The following GSAP variants were observed in gnomAD, a reference collection of about 807,000 sequenced individuals.
GSAP encodes the protein gamma-secretase activating protein.
A neutral mutation model predicts 131.7 loss-of-function variants in GSAP; 118 were observed. That is an observed-to-expected ratio of 0.90 (90% CI 0.77 to 1.04). The LOEUF is 1.04. Ranked by LOEUF, GSAP falls within the 50% of genes least tolerant of loss-of-function variation. The pLI is 0.00. For missense variants in GSAP, 1,019 were observed against 1,013.2 expected, an observed-to-expected ratio of 1.01 and a Z score of -0.08; for synonymous variants, 381 against 363.4, an observed-to-expected ratio of 1.05 and a Z score of -0.55.
At chr7:77,407,615 T>A (rs1802518062) in intron 1 of GSAP, among the ~76,000 whole-genome samples, 1 of 152,218 alleles carries the variant, frequency 6.6e-6, no homozygotes, top group Non-Finnish European at 1.5e-5. Context: ...GTAACAGGCA[T>A]CCTTGACTTA....
chr7:77,343,403 G>A (rs1791308995), intron 19 of GSAP, among the ~76,000 whole-genome samples: 1 of 152,224 alleles, frequency 6.6e-6, no homozygotes, highest in East Asian at 1.9e-4. Context: ...CTCTAAATAT[G>A]CCTTCCATAT....
chr7:77,416,156 G>C, intron 1 of GSAP, 57 bp downstream of exon 1: 1 of 1,026,408 alleles, frequency 9.7e-7, no homozygotes, highest in Non-Finnish European at 1.3e-6. Flanking sequence ...GAGTCCGGGG[G>C]GTATGAGGGA....
At position 77,324,825 on chromosome 7, in the gene GSAP, AC is replaced by A. The variant is rs1391406145; in HGVS notation, c.1828-1084del. On this transcript the variant is annotated intron_variant, in intron 23 of 30. Transcript: ENST00000257626. ...TTGTCGTGTAAACATTGTTTGCCAT[AC>A]TTTTTTTTTTTTTTTTTTTTTGCTC... Among the ~76,000 whole-genome samples the A allele has an allele frequency of 8.7e-5, 10 of 114,318 alleles. No individual in the cohort carries two copies. In the East Asian group the frequency reaches 2.4e-3, roughly 27 times the overall value. The allele number at this position is 114,318 out of a possible 152,430, so 75.0% of individuals were successfully genotyped here. A position where few individuals can be genotyped will look rare whatever the true frequency, so the allele number is the denominator to read the frequency against.
At chr7:77,369,803 T>G (rs189872165) in intron 12 of GSAP, among the ~76,000 whole-genome samples, 6 of 152,184 alleles carry the variant, frequency 3.9e-5, no homozygotes, top group Admixed American at 3.9e-4. Flanking sequence ...TTTTGAAGAG[T>G]AATATAGGAA....
chr7:77,360,403 C>T (rs551142375), intron 14 of GSAP, among the ~76,000 whole-genome samples: 298 of 152,270 alleles, frequency 2.0e-3, no homozygotes, highest in Middle Eastern at 3.4e-3. Context: ...GGAAACTTTT[C>T]AAGATTAGCA....
Position 77,416,230 on chromosome 7 carries a change from G to T in GSAP, c.92C>A (p.Ala31Asp). 1 of 1,470,136 alleles carries T rather than the reference G, an allele frequency of 6.8e-7. No homozygotes were observed. The highest frequency in any genetic ancestry group is 1.3e-5 in the South Asian group (1 of 76,692). 91.1% of individuals were successfully genotyped at this position (1,470,136 alleles called of 1,614,324 possible). Residue 31 changes from alanine to aspartate, a missense_variant, in exon 1 of 31, where the codon GCC (alanine) becomes GAC (aspartate). Physicochemically the swap from Ala to Asp is moderately radical, Grantham distance 126. Coordinates refer to ENST00000257626, the MANE Select transcript of GSAP (RefSeq NM_017439.4). Reference sequence around the variant, plus strand: ...TCCCGCACCTGCGCCGCCGCTTCCGGCCCCGCTGGCCTCCGACACTGCCCG... The same window carrying T: ...TCCCGCACCTGCGCCGCCGCTTCCGTCCCCGCTGGCCTCCGACACTGCCCG... ...AQRAVSEASG[A>D]GSGGADVLEN...
intron 19 of GSAP, among the ~76,000 whole-genome samples, chr7:77,340,949 G>T (rs1356270193): frequency 1.3e-5 from 2 of 151,828 alleles, no homozygotes; most frequent in African/African-American, 2.4e-5. Flanking sequence ...TCCCCCTTCT[G>T]CTCCCTTAGC....
intron 5 of GSAP, among the ~76,000 whole-genome samples, chr7:77,396,133 G>C (rs1380956151): frequency 6.6e-6 from 1 of 151,960 alleles, no homozygotes; most frequent in Admixed American, 6.6e-5. Flanking sequence ...CTGAGTAGTG[G>C]CTCCCCTTCT....
intron 19 of GSAP, among the ~76,000 whole-genome samples, chr7:77,345,243 A>G (rs1454454922): frequency 1.3e-5 from 2 of 152,132 alleles, no homozygotes; most frequent in Non-Finnish European, 2.9e-5. Flanking sequence ...TCCTTCTAAC[A>G]ACCCCACAAT....
intron 14 of GSAP, among the ~76,000 whole-genome samples, chr7:77,357,395 A>C (rs550224078): frequency 2.0e-5 from 3 of 152,152 alleles, no homozygotes; most frequent in Non-Finnish European, 4.4e-5. Flanking sequence ...ACTATCCTGG[A>C]ATATCCAGGT....
chr7:77,378,093 C>T (rs1041071387), intron 8 of GSAP, among the ~76,000 whole-genome samples: 1 of 152,166 alleles, frequency 6.6e-6, no homozygotes, highest in African/African-American at 2.4e-5. Flanking sequence ...TATAAGCCTC[C>T]CCCAGTGAGT....
intron 23 of GSAP, 143 bp from the exon 24 acceptor site, chr7:77,323,885 C>T: frequency 3.9e-6 from 2 of 518,092 alleles, no homozygotes; most frequent in South Asian, 2.7e-5. Context: ...ATGCATAACT[C>T]TCAGTATTTC....
At position 77,347,295 on chromosome 7, in the gene GSAP, G is replaced by A. The variant is rs188954575; in HGVS notation, c.1545+2056C>T. 7.9e-5 allele frequency among the ~76,000 whole-genome samples: 12 copies of A among 152,298 alleles called. No individual in the cohort carries two copies. In the East Asian group the frequency reaches 2.3e-3, roughly 29 times the overall value. Reference sequence around the variant, plus strand: ...CCGTGGGAACCCCAACTTAAAGACAGTTGGTCAGAAGTTCCAGAGGTCTGG... The same window carrying A: ...CCGTGGGAACCCCAACTTAAAGACAATTGGTCAGAAGTTCCAGAGGTCTGG... On this transcript the variant is annotated intron_variant, in intron 19 of 30. Coordinates refer to ENST00000257626, the MANE Select transcript of GSAP (RefSeq NM_017439.4).
intron 5 of GSAP, among the ~76,000 whole-genome samples, chr7:77,396,652 T>A (rs978713044): frequency 6.6e-5 from 10 of 152,154 alleles, no homozygotes; most frequent in African/African-American, 2.2e-4. Context: ...TAACCAGATA[T>A]AAGAAAAGAT....
rs57442782 is a variant in GSAP at position 77,334,580 on chromosome 7, T to TAAAAAA, written c.1546-4219_1546-4214dup. Among the ~76,000 whole-genome samples the TAAAAAA allele has an allele frequency of 6.1e-4, 50 of 81,944 alleles. 1 individual carries two copies. Among genetic ancestry groups the TAAAAAA allele is most frequent in the African/African-American group, 2.4e-3 (49 of 20,198 alleles). The allele number at this position is 81,944 out of a possible 152,430, so 53.8% of individuals were successfully genotyped here. ...CCCATGTATCCTGGAACTTAAAATT[T>TAAAAAA]AAAAAAAAAAAAAAAAAAAAAAAAA... On this transcript the variant is annotated intron_variant, in intron 19 of 30. Transcript: ENST00000257626.
chr7:77,410,319 A>G (rs999120548), intron 1 of GSAP, among the ~76,000 whole-genome samples: 10 of 152,212 alleles, frequency 6.6e-5, no homozygotes, highest in Non-Finnish European at 1.2e-4. Context: ...GTCTCACCAC[A>G]TACTATTAAG....
Position 77,353,024 on chromosome 7 carries a change from A to G in GSAP, c.1411T>C (p.Ser471Pro). 6.3e-7 allele frequency: 1 copy of G among 1,586,644 alleles called. No homozygotes were observed. The highest frequency in any genetic ancestry group is 8.7e-7 in the Non-Finnish European group (1 of 1,155,760). The change falls in exon 18 of 31, where the codon TCT becomes CCT. Residue 471 changes from serine (S) to proline (P), a missense_variant and splice_region_variant. Coordinates refer to ENST00000257626, the MANE Select transcript of GSAP (RefSeq NM_017439.4). ...FDLIQEFIIA[S>P]SYWSVYSETS... ...TCTGAATATACACTCCAGTATGAAG[A>G]AGCTGAGTAGATTTTTTTTGAAACA...
chr7:77,382,290 A>G (rs975472579), intron 7 of GSAP, among the ~76,000 whole-genome samples: 2 of 152,106 alleles, frequency 1.3e-5, no homozygotes, highest in African/African-American at 4.8e-5. Flanking sequence ...AAAATGACCC[A>G]TGCAACTTTC....
chr7:77,340,044 C>A (rs533205000), intron 19 of GSAP, among the ~76,000 whole-genome samples: 1 of 152,182 alleles, frequency 6.6e-6, no homozygotes, highest in South Asian at 2.1e-4. Context: ...TGAAAATGGT[C>A]GGTTCCTGCC....
Sources: gnomAD v4.1 joint callset for allele counts (sites outside exome capture counted in the v4.1 genomes callset) on GRCh38, gnomAD v4.1.1 for gene constraint, MANE v1.5 for transcripts, NCBI Gene and HGNC (gene_info 2026-07-23, HGNC 2026-07-21) for gene names.